Variants in TUSC2 observed in about 807,000 individuals in gnomAD.
The protein encoded by TUSC2 is tumor suppressor candidate 2.
In TUSC2, 7 loss-of-function variants were observed where a neutral mutation model predicts 11.5. That is an observed-to-expected ratio of 0.61 (90% CI 0.35 to 1.14). The LOEUF is 1.14. TUSC2 is among the 50% of genes most tolerant of loss of function. TUSC2 has a pLI of 0.03. For synonymous variants in TUSC2, 61 were observed against 64.1 expected, an observed-to-expected ratio of 0.95 and a Z score of 0.23; for missense variants, 132 against 155.0, an observed-to-expected ratio of 0.85 and a Z score of 0.79.
Position 50,326,055 on chromosome 3 carries a change from C to T in TUSC2, c.*66G>A. ...AGCCTGGGCTCCTCAATGGAAGCCA[C>T]ACCTTGATTGAGCCTGGGAGTTTCT... On this transcript the variant is annotated 3_prime_UTR_variant, in exon 3 of 3. Transcript: ENST00000232496. 1 of 1,543,126 alleles carries T rather than the reference C, an allele frequency of 6.5e-7. No homozygotes were observed. Among genetic ancestry groups the T allele is most frequent in the Admixed American group, 2.0e-5 (1 of 50,956 alleles).
In TUSC2 at chr3:50,325,111, G is replaced by C. The variant is rs1159675529; in HGVS notation, c.*1010C>G. 6.6e-6 allele frequency: 1 copy of C among 152,206 alleles called. No individual in the cohort carries two copies. Among genetic ancestry groups the C allele is most frequent in the Non-Finnish European group, 1.5e-5 (1 of 67,972 alleles). 9.4% of individuals were successfully genotyped at this position (152,206 alleles called of 1,614,324 possible). A position where few individuals can be genotyped will look rare whatever the true frequency, so the allele number is the denominator to read the frequency against. On this transcript the variant is annotated 3_prime_UTR_variant, in exon 3 of 3. Coordinates refer to ENST00000232496, the MANE Select transcript of TUSC2 (RefSeq NM_007275.3). This position sits in a 1 kb window ranked among gnomAD's most constrained non-coding sequence, Gnocchi z 5.1. Reference sequence around the variant, plus strand: ...CTATTTACAAACCTTCACATTATAAGTATTCCTTTTATGGTTTTTCCCTCC... The same window carrying C: ...CTATTTACAAACCTTCACATTATAACTATTCCTTTTATGGTTTTTCCCTCC...
At position 50,326,382 on chromosome 3, in the gene TUSC2, C is replaced by T. The variant is rs782528809; in HGVS notation, c.242G>A (p.Arg81Gln). ...KNGQKRAKLR[R>Q]VHKNLIPQGI... ...CTGAGGAATCAGATTCTTATGCACT[C>T]GCCTCAGCTTGGCCCGCTTCTGCCC... The change falls in exon 2 of 3, where the codon CGA becomes CAA. Residue 81 changes from arginine to glutamine, a missense_variant. By Grantham distance (43) the Arg-to-Gln change is conservative (BLOSUM62 1). Around this residue, in one of 3 missense-constraint regions of TUSC2, gnomAD observed 65 missense variants for 94.0 expected, o/e 0.69. Transcript: ENST00000232496. The T allele has an allele frequency of 6.8e-6, 11 of 1,613,936 alleles. No homozygotes were observed. Among genetic ancestry groups the T allele is most frequent in the Non-Finnish European group, 5.1e-6 (6 of 1,180,006 alleles).
chr3:50,325,948 A>C lies in TUSC2; in HGVS notation c.*173T>G. The C allele has an allele frequency of 2.5e-6, 2 of 793,372 alleles. No homozygotes were observed. The highest frequency in any genetic ancestry group is 4.0e-6 in the Non-Finnish European group (2 of 495,250). 49.1% of individuals were successfully genotyped at this position (793,372 alleles called of 1,614,324 possible). On this transcript the variant is annotated 3_prime_UTR_variant, in exon 3 of 3. Transcript: ENST00000232496. The surrounding 1 kb of genome is among the most constrained non-coding windows in gnomAD (Gnocchi z 5.1). ...ACCACCTCTTGTCCACACACAAACC[A>C]ACACCCAACCAATACTGTGGGACCG...
At chr3:50,327,914 C>T in intron 1 of TUSC2, 40 bp downstream of exon 1, 1 of 1,396,012 alleles carries the variant, frequency 7.2e-7, no homozygotes. Context: ...GCCTGGCCGC[C>T]CGCCTGTTCC....
In TUSC2 at chr3:50,325,020, G is replaced by A. The variant is rs1553717201; in HGVS notation, c.*1101C>T. 6.6e-6 allele frequency: 1 copy of A among 152,562 alleles called. No individual in the cohort carries two copies. Among genetic ancestry groups the A allele is most frequent in the East Asian group, 1.9e-4 (1 of 5,196 alleles). 9.5% of individuals were successfully genotyped at this position (152,562 alleles called of 1,614,324 possible). On this transcript the variant is annotated 3_prime_UTR_variant, in exon 3 of 3. Transcript: ENST00000232496. The surrounding 1 kb of genome is among the most constrained non-coding windows in gnomAD (Gnocchi z 5.1). The stretch of plus-strand genomic sequence containing the variant: ...CCCACATTATAGAAGCACAGAGCTT[G>A]CACAGTACTTAAAAAAAAAGTCACC...
At chr3:50,327,083 G>A in intron 1 of TUSC2, 1 of 449,880 alleles carries the variant, frequency 2.2e-6, no homozygotes, top group South Asian at 1.6e-5. Flanking sequence ...GATTTGTTCA[G>A]CAAGGGCAGC....
chr3:50,328,166 A>G lies in TUSC2; in HGVS notation c.-67T>C. The G allele has an allele frequency of 7.7e-7, 1 of 1,297,716 alleles. No individual in the cohort carries two copies. Among genetic ancestry groups the G allele is most frequent in the Non-Finnish European group, 9.8e-7 (1 of 1,021,638 alleles). 80.4% of individuals were successfully genotyped at this position (1,297,716 alleles called of 1,614,324 possible). The stretch of plus-strand genomic sequence containing the variant: ...CTCACACCGCAGTCCGCACTACCAT[A>G]ACCTGCCCCAGCCGCTGATCGCAGG... On this transcript the variant is annotated 5_prime_UTR_variant, in exon 1 of 3. Coordinates refer to ENST00000232496, the MANE Select transcript of TUSC2 (RefSeq NM_007275.3).
At chr3:50,327,287 G>T (rs1209823114) in intron 1 of TUSC2, 4 of 455,354 alleles carry the variant, frequency 8.8e-6, no homozygotes, top group Non-Finnish European at 1.8e-5. Flanking sequence ...CAGGTGGCTG[G>T]TGAATTGCCA....
Position 50,326,366 on chromosome 3 carries a change from C to T in TUSC2, c.258G>A (p.Leu86=). 1 of 1,613,936 alleles carries T rather than the reference C, an allele frequency of 6.2e-7. No individual in the cohort carries two copies. Among genetic ancestry groups the T allele is most frequent in the Non-Finnish European group, 8.5e-7 (1 of 1,180,002 alleles). Residue 86 remains leucine, a synonymous_variant, in exon 2 of 3, where the codon CTG becomes CTA. Transcript: ENST00000232496. ...RAKLRRVHKN[L]IPQGIVKLDH... is the part of the protein sequence containing the mutation. ...CTGCCCAGCCCCTCACCTGAGGAAT[C>T]AGATTCTTATGCACTCGCCTCAGCT...
In TUSC2 at chr3:50,325,743, G is replaced by A; in HGVS notation, c.*378C>T. On this transcript the variant is annotated 3_prime_UTR_variant, in exon 3 of 3. Transcript: ENST00000232496. The surrounding 1 kb of genome is among the most constrained non-coding windows in gnomAD (Gnocchi z 5.1). Reference sequence around the variant, plus strand: ...TAGGGGCTGGAAGAAAGCATACCTTGCTTGTAAAGTGCTGTAGCCTCTAGC... The same window carrying A: ...TAGGGGCTGGAAGAAAGCATACCTTACTTGTAAAGTGCTGTAGCCTCTAGC... 1 of 271,376 alleles carries A rather than the reference G, an allele frequency of 3.7e-6. No homozygotes were observed. Among genetic ancestry groups the A allele is most frequent in the Admixed American group, 4.8e-5 (1 of 20,888 alleles). The allele number at this position is 271,376 out of a possible 1,614,324, so 16.8% of individuals were successfully genotyped here. A position where few individuals can be genotyped will look rare whatever the true frequency, so the allele number is the denominator to read the frequency against.
chr3:50,326,268 G>T (rs1285637657), intron 2 of TUSC2, 82 bp from the exon 3 acceptor site: 2 of 1,610,122 alleles, frequency 1.2e-6, no homozygotes, highest in Non-Finnish European at 1.7e-6. Flanking sequence ...AGATCCCCCC[G>T]CAAAAGCCCC....
rs1263252149 is a variant in TUSC2 at position 50,328,131 on chromosome 3, G to A, written c.-32C>T. The A allele has an allele frequency of 7.3e-7, 1 of 1,363,406 alleles. No homozygotes were observed. The highest frequency in any genetic ancestry group is 1.7e-5 in the South Asian group (1 of 58,914). 84.5% of individuals were successfully genotyped at this position (1,363,406 alleles called of 1,614,324 possible). A position where few individuals can be genotyped will look rare whatever the true frequency, so the allele number is the denominator to read the frequency against. On this transcript the variant is annotated 5_prime_UTR_variant, in exon 1 of 3. Transcript: ENST00000232496. ...GCCGCCGGCGCATGGCGGGCCCCGT[G>A]GCCGCTCTGCTCACACCGCAGTCCG...
In TUSC2 at chr3:50,326,162, G is replaced by T; in HGVS notation, c.292C>A (p.Arg98Ser). The T allele has an allele frequency of 6.3e-7, 1 of 1,599,606 alleles. No individual in the cohort carries two copies. The highest frequency in any genetic ancestry group is 2.3e-5 in the East Asian group (1 of 44,296). Residue 98 changes from arginine to serine, a missense_variant, in exon 3 of 3, where the codon CGC becomes AGC. Physicochemically the swap from Arg to Ser is moderately radical, Grantham distance 110. This residue lies in a region of TUSC2 where 65 missense variants were observed against 94.0 expected (regional missense o/e 0.69). Coordinates refer to ENST00000232496, the MANE Select transcript of TUSC2 (RefSeq NM_007275.3). ...PQGIVKLDHPRIHVDFPVILY... is the reference protein window; with the variant it reads ...PQGIVKLDHPSIHVDFPVILY... ...ATCACAGGGAAATCCACGTGGATGC[G>T]GGGGTGATCCAGCTTCACGATGCCC... is the stretch of plus-strand genomic sequence containing the variant.
intron 1 of TUSC2, 118 bp downstream of exon 1, chr3:50,327,836 A>G (rs1156293028): frequency 7.6e-6 from 10 of 1,315,052 alleles, no homozygotes; most frequent in Non-Finnish European, 9.7e-6. Flanking sequence ...TGAGGCTCAA[A>G]ATATGGGGGT....
Position 50,326,035 on chromosome 3 carries a change from G to A in TUSC2, c.*86C>T, listed in dbSNP as rs1553717329. On this transcript the variant is annotated 3_prime_UTR_variant, in exon 3 of 3. Coordinates refer to ENST00000232496, the MANE Select transcript of TUSC2 (RefSeq NM_007275.3). Reference sequence around the variant, plus strand: ...TTATTCAGGGTTGTGGCCCCAGCCTGGGCTCCTCAATGGAAGCCACACCTT... The same window carrying A: ...TTATTCAGGGTTGTGGCCCCAGCCTAGGCTCCTCAATGGAAGCCACACCTT... 2 of 1,491,222 alleles carry A rather than the reference G, an allele frequency of 1.3e-6. No homozygotes were observed. Among genetic ancestry groups the A allele is most frequent in the African/African-American group, 2.8e-5 (2 of 71,868 alleles). The allele number at this position is 1,491,222 out of a possible 1,614,324, so 92.4% of individuals were successfully genotyped here.
Position 50,327,975 on chromosome 3 carries a change from G to C in TUSC2, c.125C>G (p.Pro42Arg), listed in dbSNP as rs782506409. ...TTACCCGCGGCGCGTGAATACGAAG[G>C]GGGGCACAGCTCGGCCCCGAGGCCG... ...LVRPRGRAVPPFVFTRRGSMF... is the reference protein window; with the variant it reads ...LVRPRGRAVPRFVFTRRGSMF... Residue 42 changes from proline to arginine, a missense_variant, in exon 1 of 3, where the codon CCC (proline) becomes CGC (arginine). Around this residue, in one of 3 missense-constraint regions of TUSC2, gnomAD observed 50 missense variants for 27.9 expected, o/e 1.79. Transcript: ENST00000232496. The C allele has an allele frequency of 1.5e-5, 23 of 1,542,964 alleles. No individual in the cohort carries two copies. The highest frequency in any genetic ancestry group is 9.8e-5 in the Admixed American group (5 of 51,074).
Position 50,325,947 on chromosome 3 carries a change from C to T in TUSC2, c.*174G>A, listed in dbSNP as rs187779816. On this transcript the variant is annotated 3_prime_UTR_variant, in exon 3 of 3. Coordinates refer to ENST00000232496, the MANE Select transcript of TUSC2 (RefSeq NM_007275.3). This position sits in a 1 kb window ranked among gnomAD's most constrained non-coding sequence, Gnocchi z 5.1. ...AACCACCTCTTGTCCACACACAAAC[C>T]AACACCCAACCAATACTGTGGGACC... 1.3e-6 allele frequency: 1 copy of T among 790,004 alleles called. No homozygotes were observed. The highest frequency in any genetic ancestry group is 2.0e-6 in the Non-Finnish European group (1 of 492,466). The allele number at this position is 790,004 out of a possible 1,614,324, so 48.9% of individuals were successfully genotyped here. A position where few individuals can be genotyped will look rare whatever the true frequency, so the allele number is the denominator to read the frequency against.
Position 50,328,035 on chromosome 3 carries a change from C to A in TUSC2, c.65G>T (p.Gly22Val). The change falls in exon 1 of 3, where the codon GGC becomes GTC. Residue 22 changes from glycine (G) to valine (V), a missense_variant. By Grantham distance (109) the Gly-to-Val change is moderately radical. This residue lies in a region of TUSC2 where 50 missense variants were observed against 27.9 expected (regional missense o/e 1.79). Coordinates refer to ENST00000232496, the MANE Select transcript of TUSC2 (RefSeq NM_007275.3). ...WPFASAAGGGGSEAAGAEQAL... is the reference protein window; with the variant it reads ...WPFASAAGGGVSEAAGAEQAL... ...TTGCTCAGCTCCTGCTGCCTCTGAG[C>A]CGCCGCCTCCGGCCGCCGAGGCGAA... 6.7e-7 allele frequency: 1 copy of A among 1,500,862 alleles called. No homozygotes were observed. Among genetic ancestry groups the A allele is most frequent in the Admixed American group, 2.2e-5 (1 of 45,774 alleles). The allele number at this position is 1,500,862 out of a possible 1,614,324, so 93.0% of individuals were successfully genotyped here. A position where few individuals can be genotyped will look rare whatever the true frequency, so the allele number is the denominator to read the frequency against.
rs944470317 is a variant in TUSC2 at position 50,326,265 on chromosome 3, C to T, written c.268-79G>A. On this transcript the variant is annotated intron_variant, in intron 2 of 2. Coordinates refer to ENST00000232496, the MANE Select transcript of TUSC2 (RefSeq NM_007275.3). ...AGCTTCCTTGTTCCTCCCAGATCCC[C>T]CCGCAAAAGCCCCCACCATGACAAC... is the stretch of plus-strand genomic sequence containing the variant. The T allele has an allele frequency of 6.2e-6, 10 of 1,611,838 alleles. No homozygotes were observed. In the Admixed American group the frequency reaches 1.2e-4, roughly 19 times the overall value.
Sources: gnomAD v4.1 joint callset for allele counts on GRCh38, gnomAD v4.1.1 for gene constraint, gnomAD v4.1.1 regional missense constraint, Gnocchi (gnomAD v3.1) non-coding constraint, MANE v1.5 for transcripts, NCBI Gene and HGNC (gene_info 2026-07-23, HGNC 2026-07-21) for gene names.